The following STK31 variants were observed in gnomAD, a reference collection of about 807,000 sequenced individuals.
The protein encoded by STK31 is serine/threonine kinase 31.
In STK31, 89 loss-of-function variants were observed where a neutral mutation model predicts 129.7. That is an observed-to-expected ratio of 0.69 (90% CI 0.58 to 0.82). The LOEUF is 0.82. STK31 is among the 40% of genes least tolerant of loss of function. STK31 has a pLI of 0.00. For synonymous variants in STK31, 448 were observed against 395.3 expected (o/e 1.13, Z -1.58); for missense variants, 1,187 against 1,176.4 (o/e 1.01, Z -0.13).
At chr7:23,774,177 A>G (rs560076009) in intron 15 of STK31, among the ~76,000 whole-genome samples, 1 of 152,286 alleles carries the variant, frequency 6.6e-6, no homozygotes, top group East Asian at 1.9e-4. Context: ...AATCCAGTCT[A>G]TTATTGATGG....
intron 23 of STK31, among the ~76,000 whole-genome samples, chr7:23,817,501 A>G (rs1305301057): frequency 1.3e-5 from 2 of 152,250 alleles, no homozygotes; most frequent in Admixed American, 6.5e-5. Flanking sequence ...ACCTTTACCT[A>G]CATTTTGTGT....
At chr7:23,819,820 C>G (rs1391317888) in intron 23 of STK31, among the ~76,000 whole-genome samples, 7 of 152,030 alleles carry the variant, frequency 4.6e-5, no homozygotes, top group Non-Finnish European at 2.9e-5. Context: ...TTTACATGTT[C>G]TAATACAAAT....
At chr7:23,828,077 G>C (rs1392582276) in intron 23 of STK31, among the ~76,000 whole-genome samples, 2 of 152,216 alleles carry the variant, frequency 1.3e-5, no homozygotes, top group Non-Finnish European at 2.9e-5. Flanking sequence ...CCTGTTCTCA[G>C]ATCTCCAGCT....
intron 9 of STK31, 138 bp from the exon 10 acceptor site, chr7:23,754,173 TTATA>T (rs1303625841): frequency 3.3e-6 from 2 of 598,080 alleles, no homozygotes; most frequent in Admixed American, 3.9e-5. Context: ...ATACATGATT[TTATA>T]TAAAGTTTTA....
chr7:23,815,301 C>A, intron 23 of STK31, 89 bp downstream of exon 23: 3 of 931,668 alleles, frequency 3.2e-6, no homozygotes, highest in Non-Finnish European at 4.6e-6. Flanking sequence ...TCCAGTTTTT[C>A]TAAGAATCCA....
chr7:23,777,616 G>A (rs1026670806), intron 15 of STK31, among the ~76,000 whole-genome samples: 3 of 151,080 alleles, frequency 2.0e-5, no homozygotes, highest in African/African-American at 7.3e-5. Context: ...TTTTATCTTC[G>A]TTGGTTTAAA....
At chr7:23,819,807 T>C (rs1344600775) in intron 23 of STK31, among the ~76,000 whole-genome samples, 1 of 151,940 alleles carries the variant, frequency 6.6e-6, no homozygotes, top group Non-Finnish European at 1.5e-5. Context: ...CATTACAGGA[T>C]CATTTACATG....
chr7:23,742,811 A>G (rs941986325), intron 8 of STK31, among the ~76,000 whole-genome samples: 1 of 151,800 alleles, frequency 6.6e-6, no homozygotes, highest in Non-Finnish European at 1.5e-5. Context: ...TGGAAAAGGC[A>G]CACACTATCT....
rs191177533 is a variant in STK31, at chr7:23,732,629, G to T, written c.484-2909G>T. Among the ~76,000 whole-genome samples, 186 of 152,258 alleles carry T rather than the reference G, an allele frequency of 1.2e-3. 1 individual carries two copies. Among genetic ancestry groups the T allele is most frequent in the Non-Finnish European group, 1.9e-3 (130 of 68,004 alleles). Reference sequence around the variant, plus strand: ...ACTAAAATGAATTTGAATTCAGAGAGAAATCTAAAATTAGATTTCTGCATA... The same window carrying T: ...ACTAAAATGAATTTGAATTCAGAGATAAATCTAAAATTAGATTTCTGCATA... On this transcript the variant is annotated intron_variant, in intron 6 of 23. Transcript: ENST00000355870.
At chr7:23,828,772 T>G (rs1039191601) in intron 23 of STK31, among the ~76,000 whole-genome samples, 5 of 152,238 alleles carry the variant, frequency 3.3e-5, no homozygotes, top group African/African-American at 4.8e-5. Context: ...TTGGATTCCT[T>G]TTATTTTTCT....
At chr7:23,751,946 A>G (rs1788736576) in intron 8 of STK31, among the ~76,000 whole-genome samples, 1 of 134,512 alleles carries the variant, frequency 7.4e-6, no homozygotes, top group African/African-American at 2.7e-5. Context: ...CCAAAGTTGA[A>G]TGGTGGTTTC....
rs774670699 is a variant in STK31, at chr7:23,735,866, A to G, written c.812A>G (p.Asn271Ser). The G allele has an allele frequency of 2.8e-5, 44 of 1,590,424 alleles. No homozygotes were observed. Among genetic ancestry groups the G allele is most frequent in the Admixed American group, 5.4e-5 (3 of 55,734 alleles). Residue 271 changes from asparagine (N) to serine (S), a missense_variant, in exon 7 of 24, where the codon AAT (asparagine) becomes AGT (serine). Physicochemically the swap from Asn to Ser is conservative, Grantham distance 46 (BLOSUM62 1). Transcript: ENST00000355870. ...ATGACTCTTGACTTGAAGGATGAAAATGATGCAGGCAATCTTATAACATTT... is the reference window on the plus strand; with the variant it reads ...ATGACTCTTGACTTGAAGGATGAAAGTGATGCAGGCAATCTTATAACATTT... Reference protein sequence around the residue: ...EKMTLDLKDENDAGNLITFPK... With the variant: ...EKMTLDLKDESDAGNLITFPK...
At chr7:23,750,817 A>G (rs1043034756) in intron 8 of STK31, among the ~76,000 whole-genome samples, 3 of 152,126 alleles carry the variant, frequency 2.0e-5, no homozygotes, top group African/African-American at 7.2e-5. Flanking sequence ...AGAATGTGTA[A>G]TGATCAAGTG....
At chr7:23,767,662 G>A (rs1467219512) in intron 11 of STK31, among the ~76,000 whole-genome samples, 34 of 152,152 alleles carry the variant, frequency 2.2e-4, no homozygotes, top group Admixed American at 2.2e-3. Context: ...ATCAGTTTTT[G>A]CCTCATCTGT....
chr7:23,786,590 G>T lies in STK31; in HGVS notation c.2357G>T (p.Gly786Val). Residue 786 changes from glycine (G) to valine (V), a missense_variant, in exon 19 of 24, where the codon GGA becomes GTA. By Grantham distance (109) the Gly-to-Val change is moderately radical. This residue lies in a region of STK31 where 975 missense variants were observed against 934.9 expected (regional missense o/e 1.04). Coordinates refer to ENST00000355870, the MANE Select transcript of STK31 (RefSeq NM_031414.5). ...CATAGAGCTTGGAGAGAAGCTGAAGGAGACTCAGGGTTACTGCCATTGATA... is the reference window on the plus strand; with the variant it reads ...CATAGAGCTTGGAGAGAAGCTGAAGTAGACTCAGGGTTACTGCCATTGATA... ...TYHRAWREAE[G>V]DSGLLPLIFL... is the part of the protein sequence containing the mutation. 1 of 1,613,770 alleles carries T rather than the reference G, an allele frequency of 6.2e-7. No homozygotes were observed. Among genetic ancestry groups the T allele is most frequent in the Non-Finnish European group, 8.5e-7 (1 of 1,179,832 alleles).
intron 4 of STK31, chr7:23,721,711 A>T: frequency 1.3e-6 from 1 of 792,158 alleles, no homozygotes; most frequent in Non-Finnish European, 2.3e-6. Context: ...TATCATTCTT[A>T]CTTGGCTGCA....
At chr7:23,826,673 G>C (rs1794171706) in intron 23 of STK31, among the ~76,000 whole-genome samples, 1 of 152,150 alleles carries the variant, frequency 6.6e-6, no homozygotes, top group Admixed American at 6.5e-5. Context: ...CTTGTTAGTT[G>C]ATGCAGTTTC....
intron 22 of STK31, among the ~76,000 whole-genome samples, chr7:23,802,362 G>T (rs374523707): frequency 7.2e-5 from 11 of 152,310 alleles, no homozygotes; most frequent in Middle Eastern, 3.4e-3. Context: ...GGTCCAGATG[G>T]TTCGTAATTG....
chr7:23,732,125 A>G (rs370945403), intron 6 of STK31, among the ~76,000 whole-genome samples: 1 of 152,094 alleles, frequency 6.6e-6, no homozygotes, highest in African/African-American at 2.4e-5. Flanking sequence ...CTTGGGCAAC[A>G]TGGGAAAACC....
Sources: gnomAD v4.1 joint callset for allele counts (sites outside exome capture counted in the v4.1 genomes callset) on GRCh38, gnomAD v4.1.1 for gene constraint, gnomAD v4.1.1 regional missense constraint, MANE v1.5 for transcripts, NCBI Gene and HGNC (gene_info 2026-07-23, HGNC 2026-07-21) for gene names.